SPTLC2: variants seen among roughly 807,000 people sequenced by gnomAD.
SPTLC2 encodes serine palmitoyltransferase long chain base subunit 2.
In SPTLC2, 21 loss-of-function variants were observed where a neutral mutation model predicts 62.0. The ratio of observed to expected loss-of-function variants is 0.34; its 90% CI spans 0.24 to 0.49. The LOEUF (loss-of-function observed/expected upper bound fraction) is 0.49, where lower values mean the gene tolerates loss of function less well. Ranked by LOEUF, SPTLC2 falls within the 20% of genes least tolerant of loss-of-function variation. SPTLC2 has a pLI of 0.99. For missense variants in SPTLC2, 511 were observed against 713.0 expected, an observed-to-expected ratio of 0.72 and a Z score of 3.23; for synonymous variants, 261 against 261.8, an observed-to-expected ratio of 1.00 and a Z score of 0.03.
At chr14:77,557,462 T>C (rs1205195823) in intron 6 of SPTLC2, 1 of 364,978 alleles carries the variant, frequency 2.7e-6, no homozygotes, top group African/African-American at 2.1e-5. Context: ...TTCTGTGTGT[T>C]TATCGAAAAA....
At chr14:77,609,172 C>T (rs1350441118) in intron 1 of SPTLC2, among the ~76,000 whole-genome samples, 1 of 151,972 alleles carries the variant, frequency 6.6e-6, no homozygotes, top group Non-Finnish European at 1.5e-5. Flanking sequence ...AGTAGTTCTC[C>T]AATCCTTTTA....
chr14:77,598,709 A>G (rs907527020), intron 1 of SPTLC2, among the ~76,000 whole-genome samples: 9 of 152,176 alleles, frequency 5.9e-5, no homozygotes, highest in Admixed American at 1.3e-4. Context: ...AGGTGGGCAG[A>G]TAACTTGAGC....
At chr14:77,548,451 C>T (rs1379889577) in intron 9 of SPTLC2, among the ~76,000 whole-genome samples, 1 of 152,212 alleles carries the variant, frequency 6.6e-6, no homozygotes, top group African/African-American at 2.4e-5. Context: ...TGGTCAAACA[C>T]TTTGCCTTGA....
At chr14:77,614,545 G>T (rs1595023900) in intron 1 of SPTLC2, among the ~76,000 whole-genome samples, 1 of 151,330 alleles carries the variant, frequency 6.6e-6, no homozygotes, top group African/African-American at 2.4e-5. Flanking sequence ...GTGCCTGTAG[G>T]CCCAGCTACT....
In SPTLC2 at chr14:77,616,460, G is replaced by C; in HGVS notation, c.120C>G (p.Ala40=). 6.7e-7 allele frequency: 1 copy of C among 1,484,860 alleles called. No individual in the cohort carries two copies. Among genetic ancestry groups the C allele is most frequent in the Non-Finnish European group, 8.9e-7 (1 of 1,123,450 alleles). 92.0% of individuals were successfully genotyped at this position (1,484,860 alleles called of 1,614,324 possible). ...VRSSAAAAAA[A]AAGQIHHVTQ... The stretch of plus-strand genomic sequence containing the variant: ...GGGCCCCTCGTACCTGGCCGGCGGC[G>C]GCTGCGGCTGCGGCTGCAGCGCTGC... Residue 40 remains alanine, a synonymous_variant, in exon 1 of 12, where the codon GCC becomes GCG. Transcript: ENST00000216484.
At position 77,614,327 on chromosome 14, in the gene SPTLC2, G is replaced by A. The variant is rs1394494127; in HGVS notation, c.132+2121C>T. On this transcript the variant is annotated intron_variant, in intron 1 of 11. Transcript: ENST00000216484. ...AAGAAGCATTTGAACACAAAGCAAC[G>A]CTGAAGTGTGAACACCTTTCTCTTG... Among the ~76,000 whole-genome samples, 8 of 152,286 alleles carry A rather than the reference G, an allele frequency of 5.3e-5. No individual in the cohort carries two copies. The East Asian group carries it at 9.6e-4, about 18-fold the overall frequency.
chr14:77,525,384 G>C (rs12101160), intron 9 of SPTLC2, among the ~76,000 whole-genome samples: 34,998 of 151,686 alleles, frequency 0.23, 4,798 homozygotes, highest in East Asian at 0.56. Context: ...CTGAGGTTGG[G>C]AGTTTGAGAG....
chr14:77,604,498 T>C (rs2079894194), intron 1 of SPTLC2, among the ~76,000 whole-genome samples: 1 of 152,238 alleles, frequency 6.6e-6, no homozygotes, highest in Non-Finnish European at 1.5e-5. Context: ...TCTTAGAATT[T>C]CTTTTCTATA....
intron 9 of SPTLC2, among the ~76,000 whole-genome samples, chr14:77,531,491 C>T (rs1594973674): frequency 1.0e-5 from 1 of 95,396 alleles, no homozygotes. Context: ...CCCTCCTCCT[C>T]CTCCTCCTCC....
At chr14:77,515,556 T>G (rs1297129030) in intron 11 of SPTLC2, among the ~76,000 whole-genome samples, 1 of 73,064 alleles carries the variant, frequency 1.4e-5, no homozygotes, top group East Asian at 7.6e-4. Flanking sequence ...TTTTTTTTTT[T>G]TTTTTTTTTT....
At position 77,510,290 on chromosome 14, in the gene SPTLC2, G is replaced by A; in HGVS notation, c.*1994C>T. 4.9e-6 allele frequency: 1 copy of A among 203,948 alleles called. No homozygotes were observed. Among genetic ancestry groups the A allele is most frequent in the Non-Finnish European group, 9.7e-6 (1 of 103,026 alleles). The allele number at this position is 203,948 out of a possible 1,614,324, so 12.6% of individuals were successfully genotyped here. A position where few individuals can be genotyped will look rare whatever the true frequency, so the allele number is the denominator to read the frequency against. The stretch of plus-strand genomic sequence containing the variant: ...TTATTAAAGTTCTCAGATGCTGACA[G>A]TGACTAAACATAACTCATACTCAAG... On this transcript the variant is annotated 3_prime_UTR_variant, in exon 12 of 12. Coordinates refer to ENST00000216484, the MANE Select transcript of SPTLC2 (RefSeq NM_004863.4).
At chr14:77,570,829 CTT>C (rs1384094519) in intron 4 of SPTLC2, among the ~76,000 whole-genome samples, 1 of 151,804 alleles carries the variant, frequency 6.6e-6, no homozygotes, top group Admixed American at 6.6e-5. Context: ...GCAAAATCTG[CTT>C]TTACACTTTT....
intron 2 of SPTLC2, among the ~76,000 whole-genome samples, chr14:77,586,477 T>C (rs1401250877): frequency 1.3e-5 from 2 of 152,212 alleles, no homozygotes; most frequent in Non-Finnish European, 2.9e-5. Context: ...AACAAGTACT[T>C]GTATGTGAAT....
chr14:77,576,379 G>A (rs184434691), intron 4 of SPTLC2, among the ~76,000 whole-genome samples: 18 of 152,238 alleles, frequency 1.2e-4, no homozygotes, highest in Admixed American at 1.2e-3. Context: ...GCTCTATAAG[G>A]CAGGAATTAT....
intron 2 of SPTLC2, among the ~76,000 whole-genome samples, chr14:77,582,775 G>A (rs185635140): frequency 3.7e-4 from 56 of 152,360 alleles, no homozygotes; most frequent in African/African-American, 1.3e-3. Context: ...AACCAGGGAT[G>A]TTAGGGACCA....
intron 6 of SPTLC2, among the ~76,000 whole-genome samples, chr14:77,561,346 A>G (rs1192871407): frequency 4.6e-5 from 7 of 152,184 alleles, no homozygotes; most frequent in Admixed American, 4.6e-4. Flanking sequence ...ATGATGGCTC[A>G]CACCTGTAAT....
chr14:77,570,625 T>C, intron 4 of SPTLC2, 117 bp from the exon 5 acceptor site: 1 of 1,213,500 alleles, frequency 8.2e-7, no homozygotes, highest in Non-Finnish European at 1.2e-6. Context: ...CTAAGATCTA[T>C]GAAGGAGTCA....
chr14:77,533,560 G>A (rs8022582), intron 9 of SPTLC2, among the ~76,000 whole-genome samples: 3,516 of 152,200 alleles, frequency 0.023, 130 homozygotes, highest in African/African-American at 0.081. Flanking sequence ...AGTTAGTTTC[G>A]GGAAGGCTGG....
chr14:77,602,359 C>A (rs931976843), intron 1 of SPTLC2, among the ~76,000 whole-genome samples: 1 of 152,126 alleles, frequency 6.6e-6, no homozygotes, highest in Non-Finnish European at 1.5e-5. Flanking sequence ...CCTGATACTC[C>A]TCTTCTATTA....
Sources: allele counts gnomAD v4.1 joint callset (sites outside exome capture counted in the v4.1 genomes callset), GRCh38; gene constraint gnomAD v4.1.1; transcripts MANE v1.5; gene names NCBI Gene and HGNC (gene_info 2026-07-23, HGNC 2026-07-21).